RBAK: variants seen among roughly 807,000 people sequenced by gnomAD.
The protein encoded by RBAK is RB associated KRAB zinc finger, also known as RB-associated KRAB zinc finger protein.
A neutral mutation model predicts 65.8 loss-of-function variants in RBAK; 39 were observed. The ratio of observed to expected loss-of-function variants is 0.59; its 90% confidence interval spans 0.46 to 0.77. The LOEUF is 0.77. Ranked by LOEUF, RBAK falls within the 30% of genes least tolerant of loss-of-function variation. The pLI, the probability that RBAK is intolerant of heterozygous loss-of-function variation, is 0.00. For synonymous variants in RBAK, 343 were observed against 289.7 expected (o/e 1.18, Z -1.87); for missense variants, 884 against 855.1 (o/e 1.03, Z -0.42).
intron 2 of RBAK, among the ~76,000 whole-genome samples, chr7:5,053,819 T>C (rs1454357891): frequency 6.6e-6 from 1 of 152,236 alleles, no homozygotes; most frequent in African/African-American, 2.4e-5. Context: ...ACATCTTGCC[T>C]GTCTCAATTT....
intron 4 of RBAK, among the ~76,000 whole-genome samples, chr7:5,060,780 G>A (rs10268122): frequency 0.12 from 18,720 of 152,188 alleles, 1,403 homozygotes; most frequent in African/African-American, 0.21. Flanking sequence ...GAAAAATCCC[G>A]TTAATAACCT....
chr7:5,054,242 TA>T (rs1216661579), intron 2 of RBAK, among the ~76,000 whole-genome samples: 1 of 151,930 alleles, frequency 6.6e-6, no homozygotes, highest in Non-Finnish European at 1.5e-5. Context: ...CCTTCTATAC[TA>T]AAAATACAAA....
rs1238998944 is a variant in RBAK, at chr7:5,065,404, C to T, written c.1948C>T (p.Pro650Ser). ...VHYRSHSGEKPYECNECGKVF... is the reference protein window; with the variant it reads ...VHYRSHSGEKSYECNECGKVF... ...CTACAGAAGCCATTCAGGAGAGAAA[C>T]CCTATGAATGTAATGAATGTGGGAA... The change falls in exon 5 of 5, where the codon CCC becomes TCC. Residue 650 changes from proline to serine, a missense_variant. Physicochemically the swap from Pro to Ser is moderately conservative, Grantham distance 74. Transcript: ENST00000396912. The surrounding 1 kb of genome is among the most constrained non-coding windows in gnomAD (Gnocchi z 5.3). The T allele has an allele frequency of 6.2e-7, 1 of 1,613,854 alleles. No individual in the cohort carries two copies. Among genetic ancestry groups the T allele is most frequent in the Non-Finnish European group, 8.5e-7 (1 of 1,179,850 alleles).
intron 2 of RBAK, among the ~76,000 whole-genome samples, chr7:5,054,960 T>A (rs1333582941): frequency 6.6e-6 from 1 of 151,890 alleles, no homozygotes; most frequent in Non-Finnish European, 1.5e-5. Context: ...GTTTGTTTTT[T>A]AGTAGAGATG....
chr7:5,063,649 A>T, intron 4 of RBAK, 46 bp from the exon 5 acceptor site: 1 of 1,424,424 alleles, frequency 7.0e-7, no homozygotes, highest in Non-Finnish European at 9.4e-7. Context: ...TTCCATAGCT[A>T]GTGTGTTCAG....
At position 5,068,190 on chromosome 7, in the gene RBAK, A is replaced by G. The variant is rs1384558096; in HGVS notation, c.*2589A>G. 6.6e-6 allele frequency: 1 copy of G among 152,124 alleles called. No homozygotes were observed. Among genetic ancestry groups the G allele is most frequent in the Non-Finnish European group, 1.5e-5 (1 of 68,030 alleles). The allele number at this position is 152,124 out of a possible 1,614,324, so 9.4% of individuals were successfully genotyped here. A position where few individuals can be genotyped will look rare whatever the true frequency, so the allele number is the denominator to read the frequency against. Reference sequence around the variant, plus strand: ...TAAAGCAAGGCACCAGATGGTGAAAATTTTCAGCTTTGTCACAACTGCTCA... The same window carrying G: ...TAAAGCAAGGCACCAGATGGTGAAAGTTTTCAGCTTTGTCACAACTGCTCA... On this transcript the variant is annotated 3_prime_UTR_variant, in exon 5 of 5. Transcript: ENST00000396912.
At chr7:5,052,786 G>A (rs752159367) in intron 2 of RBAK, among the ~76,000 whole-genome samples, 104 of 151,970 alleles carry the variant, frequency 6.8e-4, no homozygotes, top group Non-Finnish European at 1.2e-3. Flanking sequence ...TTGAGTTGGA[G>A]TCTCACTCTG....
chr7:5,062,168 T>A (rs1447403363), intron 4 of RBAK, among the ~76,000 whole-genome samples: 1 of 152,026 alleles, frequency 6.6e-6, no homozygotes, highest in East Asian at 1.9e-4. Context: ...CATAATGGAG[T>A]CTTTCCTTTG....
intron 2 of RBAK, among the ~76,000 whole-genome samples, chr7:5,054,999 C>G (rs1788194886): frequency 6.6e-6 from 1 of 151,210 alleles, no homozygotes; most frequent in African/African-American, 2.5e-5. Context: ...CCAGGCTGGT[C>G]TTGAACTCCT....
In RBAK at chr7:5,065,674, T is replaced by TAG. The variant is rs1433265615; in HGVS notation, c.*73_*74insAG. On this transcript the variant is annotated 3_prime_UTR_variant, in exon 5 of 5. Transcript: ENST00000396912. This position sits in a 1 kb window ranked among gnomAD's most constrained non-coding sequence, Gnocchi z 5.3. ...GGAATCCAATAGGAAGTCAAAGCGT[T>TAG]TATCTGAGAGTTCGTGTTCCTGAAC... The TAG allele has an allele frequency of 8.6e-7, 1 of 1,162,108 alleles. No homozygotes were observed. The highest frequency in any genetic ancestry group is 1.6e-5 in the African/African-American group (1 of 64,164). The allele number at this position is 1,162,108 out of a possible 1,614,324, so 72.0% of individuals were successfully genotyped here.
chr7:5,064,641 C>T lies in RBAK; in HGVS notation c.1185C>T (p.His395=). Reference sequence around the variant, plus strand: ...CTCTCAGTGACCATCAGAGAACTCACACGGGAGAGAAGCTTTATAAATGTA... The same window carrying T: ...CTCTCAGTGACCATCAGAGAACTCATACGGGAGAGAAGCTTTATAAATGTA... ...KSALSDHQRT[H]TGEKLYKCNE... is the part of the protein sequence containing the mutation. The change falls in exon 5 of 5, where the codon CAC becomes CAT. Residue 395 remains histidine (H), a synonymous_variant. Coordinates refer to ENST00000396912, the MANE Select transcript of RBAK (RefSeq NM_021163.4). The surrounding 1 kb of genome is among the most constrained non-coding windows in gnomAD (Gnocchi z 6.3). 1 of 1,612,410 alleles carries T rather than the reference C, an allele frequency of 6.2e-7. No homozygotes were observed. The highest frequency in any genetic ancestry group is 8.5e-7 in the Non-Finnish European group (1 of 1,178,708).
intron 4 of RBAK, among the ~76,000 whole-genome samples, chr7:5,062,869 G>A (rs61336930): frequency 0.097 from 14,718 of 152,122 alleles, 1,095 homozygotes; most frequent in East Asian, 0.4. Context: ...TGTTCCACCC[G>A]GCTCACCGGC....
At chr7:5,059,881 TAGG>T (rs1419931804) in intron 4 of RBAK, among the ~76,000 whole-genome samples, 2 of 152,184 alleles carry the variant, frequency 1.3e-5, no homozygotes, top group Admixed American at 1.3e-4. Flanking sequence ...TATGCTCTGA[TAGG>T]AGTGTATGCT....
At chr7:5,047,951 T>G in intron 1 of RBAK, 82 bp from the exon 2 acceptor site, 3 of 684,608 alleles carry the variant, frequency 4.4e-6, no homozygotes, top group Admixed American at 5.9e-5. Flanking sequence ...TTGAGCTTTC[T>G]TTTGTGGTTC....
At position 5,048,094 on chromosome 7, in the gene RBAK, G is replaced by A; in HGVS notation, c.15+3G>A. 1.3e-6 allele frequency: 2 copies of A among 1,596,556 alleles called. No homozygotes were observed. Among genetic ancestry groups the A allele is most frequent in the Non-Finnish European group, 1.7e-6 (2 of 1,172,348 alleles). On this transcript the variant is annotated splice_donor_region_variant and intron_variant, in intron 2 of 4. Coordinates refer to ENST00000396912, the MANE Select transcript of RBAK (RefSeq NM_021163.4). This position sits in a 1 kb window ranked among gnomAD's most constrained non-coding sequence, Gnocchi z 4.4. ...AGCAGAAAATGAACACATTGCAGGTGAGTTTTCATGCTTGTGTATATGTTC... is the reference window on the plus strand; with the variant it reads ...AGCAGAAAATGAACACATTGCAGGTAAGTTTTCATGCTTGTGTATATGTTC...
intron 4 of RBAK, among the ~76,000 whole-genome samples, chr7:5,061,453 C>CTTTTTT (rs56688573): frequency 3.7e-5 from 5 of 133,836 alleles, no homozygotes; most frequent in Non-Finnish European, 3.2e-5. Flanking sequence ...TTTTCTTTTT[C>CTTTTTT]TTTTTTTTTT....
At chr7:5,054,579 A>C (rs60005623) in intron 2 of RBAK, among the ~76,000 whole-genome samples, 5,984 of 151,844 alleles carry the variant, frequency 0.039, 425 homozygotes, top group African/African-American at 0.14. Context: ...GTCTCTCTCT[A>C]TATATATTTT....
At chr7:5,047,071 G>A (rs1444708948) in intron 1 of RBAK, among the ~76,000 whole-genome samples, 1 of 152,096 alleles carries the variant, frequency 6.6e-6, no homozygotes, top group Non-Finnish European at 1.5e-5. Context: ...CAATTCCTAT[G>A]GCTTCTTTGA....
chr7:5,047,601 CTTTTTTTT>C lies in RBAK; in HGVS notation c.-44-413_-44-406del, dbSNP rs1037439035. Among the ~76,000 whole-genome samples, 14 of 100,916 alleles carry C rather than the reference CTTTTTTTT, an allele frequency of 1.4e-4. No individual in the cohort carries two copies. The South Asian group carries it at 2.3e-3, about 17-fold the overall frequency. 66.2% of individuals were successfully genotyped at this position (100,916 alleles called of 152,430 possible). A position where few individuals can be genotyped will look rare whatever the true frequency, so the allele number is the denominator to read the frequency against. On this transcript the variant is annotated intron_variant, in intron 1 of 4. Transcript: ENST00000396912. ...TTCGCCTATCACTCTTTTTCACTCT[CTTTTTTTT>C]TTTTTTTTTTTTTTTTTTGAGACAG...
Sources: allele counts gnomAD v4.1 joint callset (sites outside exome capture counted in the v4.1 genomes callset), GRCh38; gene constraint gnomAD v4.1.1; non-coding constraint Gnocchi (gnomAD v3.1); transcripts MANE v1.5; gene names NCBI Gene and HGNC (gene_info 2026-07-23, HGNC 2026-07-21).